SYCP2L: variants seen among roughly 807,000 people sequenced by gnomAD.
The protein encoded by SYCP2L is synaptonemal complex protein 2 like.
Under a neutral mutation model 125.8 loss-of-function variants are expected in SYCP2L, and 98 were observed. The observed-to-expected ratio is 0.78, with a 90% CI of 0.66 to 0.92. The LOEUF (loss-of-function observed/expected upper bound fraction) is 0.92. Among genes scored for constraint, SYCP2L ranks in the 40% least tolerant of loss-of-function variants. The pLI is 0.00. For missense variants in SYCP2L, 842 were observed against 936.4 expected (o/e 0.90, Z 1.32); for synonymous variants, 317 against 325.4 (o/e 0.97, Z 0.28).
At position 10,893,901 on chromosome 6, in the gene SYCP2L, AAGG is replaced by A. The variant is rs1240831961; in HGVS notation, c.115_117del (p.Gly39del). 1 of 1,610,386 alleles carries A rather than the reference AAGG, an allele frequency of 6.2e-7. No homozygotes were observed. The highest frequency in any genetic ancestry group is 1.7e-5 in the Admixed American group (1 of 59,168). On this transcript the variant is annotated inframe_deletion, in exon 3 of 30. Coordinates refer to ENST00000283141, the MANE Select transcript of SYCP2L (RefSeq NM_001040274.3). Reference sequence around the variant, plus strand: ...CTTATTACGGATGCATTCCATGATAAAGGATTTCAGAAAATAAAAGAATACTTT... The same window carrying A: ...CTTATTACGGATGCATTCCATGATAAATTTCAGAAAATAAAAGAATACTTT...
chr6:10,941,857 A>G (rs1581837027), intron 21 of SYCP2L, among the ~76,000 whole-genome samples: 1 of 152,162 alleles, frequency 6.6e-6, no homozygotes, highest in Admixed American at 6.5e-5. Flanking sequence ...ATGCACAGGT[A>G]TATTTATTGT....
rs1228479974 is a variant in SYCP2L at position 10,963,770 on chromosome 6, A to G, written c.2415-12A>G. 8 of 1,613,628 alleles carry G rather than the reference A, an allele frequency of 5.0e-6. No individual in the cohort carries two copies. Among genetic ancestry groups the G allele is most frequent in the Non-Finnish European group, 5.9e-6 (7 of 1,179,660 alleles). On this transcript the variant is annotated splice_polypyrimidine_tract_variant and intron_variant, in intron 28 of 29. Transcript: ENST00000283141. ...ATGTGAATATAATAAGAGATGGACC[A>G]ATTTCTTCCAGGTTCAATTCAACTC... is the stretch of plus-strand genomic sequence containing the variant.
intron 14 of SYCP2L, among the ~76,000 whole-genome samples, chr6:10,916,293 T>G (rs1780693895): frequency 6.6e-6 from 1 of 152,220 alleles, no homozygotes. Flanking sequence ...ATTTATCTTT[T>G]GTATTGTTTT....
chr6:10,910,422 A>G (rs1681166564), intron 11 of SYCP2L, among the ~76,000 whole-genome samples: 2 of 152,268 alleles, frequency 1.3e-5, no homozygotes, highest in South Asian at 4.1e-4. Context: ...CAGTTTTATT[A>G]TATTTGTGAC....
At chr6:10,944,818 G>T (rs1204492471) in intron 23 of SYCP2L, among the ~76,000 whole-genome samples, 4 of 152,042 alleles carry the variant, frequency 2.6e-5, no homozygotes, top group Non-Finnish European at 4.4e-5. Context: ...AGGTTCAAGC[G>T]ATTCTCCTGC....
At chr6:10,958,552 A>G (rs546084112) in intron 25 of SYCP2L, among the ~76,000 whole-genome samples, 21 of 152,212 alleles carry the variant, frequency 1.4e-4, no homozygotes, top group African/African-American at 3.4e-4. Flanking sequence ...TATGCAAACT[A>G]TATCAGGTAG....
intron 8 of SYCP2L, 29 bp from the exon 9 acceptor site, chr6:10,905,991 G>A: frequency 6.5e-7 from 1 of 1,550,250 alleles, no homozygotes; most frequent in Non-Finnish European, 8.9e-7. Flanking sequence ...GTTCACTTCA[G>A]TTAAATGTGA....
intron 14 of SYCP2L, among the ~76,000 whole-genome samples, chr6:10,916,964 C>T (rs1280256097): frequency 1.3e-5 from 2 of 152,174 alleles, no homozygotes; most frequent in East Asian, 3.8e-4. Flanking sequence ...TGCACTCCAG[C>T]CTGGGTGACA....
intron 21 of SYCP2L, among the ~76,000 whole-genome samples, chr6:10,937,145 C>CCAGTGTACAGT (rs774083246): frequency 5.3e-4 from 80 of 152,270 alleles, no homozygotes; most frequent in African/African-American, 1.8e-3. Flanking sequence ...TTATTCTTCT[C>CCAGTGTACAGT]CAGTGTACAG....
At chr6:10,969,650 C>T (rs61324147) in intron 29 of SYCP2L, among the ~76,000 whole-genome samples, 2,443 of 152,122 alleles carry the variant, frequency 0.016, 55 homozygotes, top group African/African-American at 0.056. Flanking sequence ...AGGTGTGAGC[C>T]ACCGCGCCTG....
rs374638993 is a variant in SYCP2L, at chr6:10,930,394, T to C, written c.1513T>C (p.Phe505Leu). ...QPKSHYRKHL[F>L]SESNQDSSTS... ...GAAGTCTCATTACAGAAAACATCTC[T>C]TCTCTGAGAGTAATCAAGATTCAAG... The change falls in exon 19 of 30, where the codon TTC becomes CTC. Residue 505 changes from phenylalanine to leucine, a missense_variant. Transcript: ENST00000283141. The C allele has an allele frequency of 2.4e-5, 38 of 1,613,004 alleles. No homozygotes were observed. In the Middle Eastern group the frequency reaches 1.2e-3, roughly 49 times the overall value.
chr6:10,921,017 AGTT>A (rs1332145384), intron 14 of SYCP2L, among the ~76,000 whole-genome samples: 1 of 152,164 alleles, frequency 6.6e-6, no homozygotes, highest in African/African-American at 2.4e-5. Context: ...AGCATCCATT[AGTT>A]GTTCTTCCTG....
chr6:10,931,792 C>T (rs968554345), intron 20 of SYCP2L, among the ~76,000 whole-genome samples: 12 of 151,984 alleles, frequency 7.9e-5, no homozygotes, highest in African/African-American at 2.9e-4. Context: ...TGGTGAAACT[C>T]CGTCTCTACA....
intron 23 of SYCP2L, among the ~76,000 whole-genome samples, chr6:10,951,003 A>G (rs1375832404): frequency 2.6e-5 from 4 of 152,082 alleles, no homozygotes; most frequent in African/African-American, 4.8e-5. Context: ...GCCTTCATCT[A>G]CTTTCTTGGA....
At chr6:10,939,025 C>T (rs528266893) in intron 21 of SYCP2L, among the ~76,000 whole-genome samples, 157 of 151,956 alleles carry the variant, frequency 1.0e-3, no homozygotes, top group African/African-American at 3.4e-3. Context: ...GAGGCTGACG[C>T]GGGAGAATTG....
chr6:10,942,834 A>G, intron 23 of SYCP2L, 88 bp downstream of exon 23: 2 of 1,209,514 alleles, frequency 1.7e-6, no homozygotes, highest in Non-Finnish European at 2.3e-6. Flanking sequence ...CTCAGATTGC[A>G]GATCAAGTCA....
intron 23 of SYCP2L, among the ~76,000 whole-genome samples, chr6:10,945,362 T>C (rs1357106045): frequency 6.6e-6 from 1 of 152,220 alleles, no homozygotes; most frequent in Non-Finnish European, 1.5e-5. Context: ...AGTCTACTTA[T>C]TCTATCAAGT....
chr6:10,948,050 T>C (rs1039865935), intron 23 of SYCP2L, among the ~76,000 whole-genome samples: 4 of 152,146 alleles, frequency 2.6e-5, no homozygotes, highest in African/African-American at 4.8e-5. Flanking sequence ...TCCAGCTTTA[T>C]TGAGGAATAA....
chr6:10,888,336 C>T (rs1780116946), intron 1 of SYCP2L, among the ~76,000 whole-genome samples: 1 of 152,014 alleles, frequency 6.6e-6, no homozygotes, highest in South Asian at 2.1e-4. Flanking sequence ...ACCTCATGAT[C>T]TGCCCGCTTC....
Sources: gnomAD v4.1 joint callset for allele counts (sites outside exome capture counted in the v4.1 genomes callset) on GRCh38, gnomAD v4.1.1 for gene constraint, MANE v1.5 for transcripts, NCBI Gene and HGNC (gene_info 2026-07-23, HGNC 2026-07-21) for gene names.